The following PAM variants were observed in gnomAD, a reference collection of about 807,000 sequenced individuals.
The protein encoded by PAM is peptidyl-glycine alpha-amidating monooxygenase.
In PAM, 72 loss-of-function variants were observed where a neutral mutation model predicts 122.1. That is an observed-to-expected ratio of 0.59 (90% confidence interval 0.49 to 0.72). The LOEUF is 0.72. PAM is among the 30% of genes least tolerant of loss of function. PAM has a pLI of 0.00. For missense variants in PAM, 1,106 were observed against 1,183.7 expected (o/e 0.93, Z 0.96); for synonymous variants, 389 against 404.4 (o/e 0.96, Z 0.46).
At chr5:102,855,188 C>G (rs1782316866) in intron 1 of PAM, among the ~76,000 whole-genome samples, 1 of 151,812 alleles carries the variant, frequency 6.6e-6, no homozygotes, top group Admixed American at 6.6e-5. Context: ...GATTCTAAAC[C>G]CAATTGAGCA....
At chr5:102,902,394 A>G (rs1015882452) in intron 4 of PAM, among the ~76,000 whole-genome samples, 1 of 151,584 alleles carries the variant, frequency 6.6e-6, no homozygotes, top group Non-Finnish European at 1.5e-5. Flanking sequence ...ACAACCTTTA[A>G]TAACACTCTC....
chr5:102,998,961 T>C (rs1776550264), intron 16 of PAM, among the ~76,000 whole-genome samples: 1 of 152,198 alleles, frequency 6.6e-6, no homozygotes, highest in South Asian at 2.1e-4. Flanking sequence ...ATTGACTCAG[T>C]TCAGCATGGC....
chr5:103,004,161 T>C (rs1034386007), intron 17 of PAM, among the ~76,000 whole-genome samples: 4 of 152,210 alleles, frequency 2.6e-5, no homozygotes, highest in African/African-American at 9.6e-5. Context: ...ATAATAATGA[T>C]GCTTAGAATT....
At chr5:103,016,644 A>C (rs1337986293) in intron 21 of PAM, among the ~76,000 whole-genome samples, 1 of 152,132 alleles carries the variant, frequency 6.6e-6, no homozygotes, top group Non-Finnish European at 1.5e-5. Flanking sequence ...GAAATAGAGA[A>C]AGATATATTA....
At chr5:102,993,666 T>G (rs1774833034) in intron 16 of PAM, among the ~76,000 whole-genome samples, 1 of 152,144 alleles carries the variant, frequency 6.6e-6, no homozygotes, top group Non-Finnish European at 1.5e-5. Context: ...TCAAGGAATA[T>G]AGTAGCCCAA....
chr5:103,007,750 C>A (rs1779467981), intron 20 of PAM, 93 bp downstream of exon 20: 1 of 776,206 alleles, frequency 1.3e-6, no homozygotes, highest in Non-Finnish European at 2.1e-6. Flanking sequence ...TATAAATTTT[C>A]TTTGCTATAT....
At chr5:103,013,864 G>T (rs1325044567) in intron 21 of PAM, among the ~76,000 whole-genome samples, 1 of 152,096 alleles carries the variant, frequency 6.6e-6, no homozygotes, top group Non-Finnish European at 1.5e-5. Context: ...AAAGATTCCA[G>T]TATACATTCC....
intron 21 of PAM, among the ~76,000 whole-genome samples, chr5:103,013,748 A>G (rs1394842640): frequency 6.6e-6 from 1 of 152,204 alleles, no homozygotes; most frequent in East Asian, 1.9e-4. Context: ...TACTAAGGGT[A>G]TAAAGGTGAA....
intron 15 of PAM, among the ~76,000 whole-genome samples, chr5:102,977,858 C>G (rs144746085): frequency 6.6e-6 from 1 of 152,110 alleles, no homozygotes; most frequent in Non-Finnish European, 1.5e-5. Flanking sequence ...GGTCTCTATG[C>G]AAGTATAAAA....
intron 1 of PAM, among the ~76,000 whole-genome samples, chr5:102,851,097 G>A (rs1333035519): frequency 6.6e-6 from 1 of 152,118 alleles, no homozygotes. Context: ...GTAATCGGAT[G>A]CACGATTCAT....
Position 102,949,531 on chromosome 5 carries a change from C to A in PAM, c.644-6C>A, listed in dbSNP as rs778279156. On this transcript the variant is annotated splice_region_variant and splice_polypyrimidine_tract_variant and intron_variant, in intron 9 of 25. Coordinates refer to ENST00000438793, the MANE Select transcript of PAM (RefSeq NM_001177306.2). ...TGACTTTTGTCTGTGTTTTCATTTC[C>A]CACAGTGGTGAATTCTGACATTTCA... 3.5e-6 allele frequency: 5 copies of A among 1,433,430 alleles called. No individual in the cohort carries two copies. Among genetic ancestry groups the A allele is most frequent in the Non-Finnish European group, 4.9e-6 (5 of 1,015,802 alleles). The allele number at this position is 1,433,430 out of a possible 1,614,324, so 88.8% of individuals were successfully genotyped here. A position where few individuals can be genotyped will look rare whatever the true frequency, so the allele number is the denominator to read the frequency against.
intron 1 of PAM, among the ~76,000 whole-genome samples, chr5:102,839,769 G>A (rs923389169): frequency 7.9e-5 from 12 of 152,006 alleles, no homozygotes; most frequent in African/African-American, 1.9e-4. Context: ...TACATTAATA[G>A]ATTAAAAGAG....
Position 102,926,814 on chromosome 5 carries a change from G to A in PAM, c.526+146G>A, listed in dbSNP as rs1476060048. The A allele has an allele frequency of 2.2e-5, 12 of 555,466 alleles. No homozygotes were observed. The South Asian group carries it at 2.9e-4, about 14-fold the overall frequency. The allele number at this position is 555,466 out of a possible 1,614,324, so 34.4% of individuals were successfully genotyped here. ...AACAGCTTTTGTTTCCTTTAATTTGGAACTGTTGAAGGAATGACTTTTATT... is the reference window on the plus strand; with the variant it reads ...AACAGCTTTTGTTTCCTTTAATTTGAAACTGTTGAAGGAATGACTTTTATT... On this transcript the variant is annotated intron_variant, in intron 7 of 25. Transcript: ENST00000438793.
chr5:103,009,068 A>G (rs149477445), intron 20 of PAM, among the ~76,000 whole-genome samples: 1 of 152,256 alleles, frequency 6.6e-6, no homozygotes, highest in African/African-American at 2.4e-5. Context: ...TTGAAAATGT[A>G]GTGGTTCAAT....
At chr5:102,960,611 C>T (rs1171482452) in intron 13 of PAM, among the ~76,000 whole-genome samples, 1 of 151,866 alleles carries the variant, frequency 6.6e-6, no homozygotes, top group Non-Finnish European at 1.5e-5. Flanking sequence ...GTCATATTGA[C>T]TGTCACTTTT....
intron 3 of PAM, among the ~76,000 whole-genome samples, chr5:102,879,471 G>C (rs1790277420): frequency 6.6e-6 from 1 of 152,266 alleles, no homozygotes; most frequent in East Asian, 1.9e-4. Context: ...GGAGGTGATT[G>C]GATATGGGGT....
intron 1 of PAM, among the ~76,000 whole-genome samples, chr5:102,816,754 C>T (rs555084027): frequency 1.6e-4 from 25 of 152,010 alleles, no homozygotes; most frequent in Non-Finnish European, 3.1e-4. Flanking sequence ...AAGTTCAGTC[C>T]TACTTTCTTC....
chr5:102,862,127 G>A (rs186349943), intron 1 of PAM, among the ~76,000 whole-genome samples: 11 of 145,216 alleles, frequency 7.6e-5, no homozygotes, highest in South Asian at 2.2e-4. Flanking sequence ...CCAAAATTGC[G>A]CCACTGCACT....
At chr5:102,803,172 AGG>A (rs1348480078) in intron 1 of PAM, among the ~76,000 whole-genome samples, 981 of 19,054 alleles carry the variant, frequency 0.051, 40 homozygotes, top group African/African-American at 0.16. Context: ...GAAGGAAGGA[AGG>A]AAGGAAGGAA....
Sources: allele counts gnomAD v4.1 joint callset (sites outside exome capture counted in the v4.1 genomes callset), GRCh38; gene constraint gnomAD v4.1.1; transcripts MANE v1.5; gene names NCBI Gene and HGNC (gene_info 2026-07-23, HGNC 2026-07-21).